Variants in KLHL1 observed in about 807,000 individuals in gnomAD.
KLHL1 encodes kelch-like protein 1.
In KLHL1, 47 loss-of-function variants were observed where a neutral mutation model predicts 77.7. That is an observed-to-expected ratio of 0.60 (90% confidence interval 0.48 to 0.77). The LOEUF (loss-of-function observed/expected upper bound fraction) is 0.77. Among genes scored for constraint, KLHL1 ranks in the 30% least tolerant of loss-of-function variants. The pLI is 0.00. For missense variants in KLHL1, 925 were observed against 910.8 expected (o/e 1.02, Z -0.20); for synonymous variants, 360 against 325.2 (o/e 1.11, Z -1.15).
intron 7 of KLHL1, among the ~76,000 whole-genome samples, chr13:69,792,897 A>G (rs1876930975): frequency 6.6e-6 from 1 of 152,124 alleles, no homozygotes; most frequent in Admixed American, 6.6e-5. Context: ...AAGACTGACA[A>G]TGTATTGGGT....
At chr13:70,083,969 CT>C (rs1452048504) in intron 1 of KLHL1, among the ~76,000 whole-genome samples, 2 of 151,952 alleles carry the variant, frequency 1.3e-5, no homozygotes, top group East Asian at 1.9e-4. Context: ...TTAAAAAACC[CT>C]TTTATATACA....
chr13:70,086,854 T>A (rs1383613300), intron 1 of KLHL1, among the ~76,000 whole-genome samples: 1 of 151,960 alleles, frequency 6.6e-6, no homozygotes, highest in African/African-American at 2.4e-5. Context: ...CTTTCCTGAA[T>A]CCCTTTAACA....
chr13:70,054,317 C>T (rs2439663), intron 1 of KLHL1, among the ~76,000 whole-genome samples: 141,344 of 152,120 alleles, frequency 0.93, 66,406 homozygotes, highest in East Asian at 1. Context: ...TTAAATAAAG[C>T]CATCTCTGTT....
At chr13:70,077,960 T>C (rs1227253314) in intron 1 of KLHL1, among the ~76,000 whole-genome samples, 2 of 152,080 alleles carry the variant, frequency 1.3e-5, no homozygotes, top group Non-Finnish European at 2.9e-5. Flanking sequence ...AAAGGTCAAG[T>C]AAAATTCAGT....
intron 8 of KLHL1, among the ~76,000 whole-genome samples, chr13:69,720,619 G>A (rs935546274): frequency 6.6e-6 from 1 of 151,920 alleles, no homozygotes; most frequent in African/African-American, 2.4e-5. Flanking sequence ...TAGAGATTGT[G>A]GATACAATTT....
At chr13:69,764,560 C>T (rs149917339) in intron 7 of KLHL1, among the ~76,000 whole-genome samples, 1 of 152,034 alleles carries the variant, frequency 6.6e-6, no homozygotes, top group African/African-American at 2.4e-5. Flanking sequence ...AGAAAAAATA[C>T]TTTGCATCGC....
intron 3 of KLHL1, 115 bp from the exon 4 acceptor site, chr13:69,940,351 G>T: frequency 4.4e-6 from 3 of 677,546 alleles, no homozygotes; most frequent in African/African-American, 1.9e-5. Context: ...ACTGAGATTG[G>T]TAATCAAGAT....
chr13:69,850,175 C>T (rs889920609), intron 5 of KLHL1, among the ~76,000 whole-genome samples: 14 of 151,408 alleles, frequency 9.2e-5, no homozygotes, highest in Non-Finnish European at 1.3e-4. Context: ...AATTCAAACT[C>T]ATATATTTAA....
chr13:69,850,651 T>A (rs2138130794), intron 5 of KLHL1, among the ~76,000 whole-genome samples: 1 of 151,880 alleles, frequency 6.6e-6, no homozygotes, highest in Non-Finnish European at 1.5e-5. Flanking sequence ...TTATCTTTGA[T>A]ACCAGCTATC....
At chr13:69,826,494 C>A (rs1448621154) in intron 6 of KLHL1, among the ~76,000 whole-genome samples, 1 of 152,048 alleles carries the variant, frequency 6.6e-6, no homozygotes, top group Non-Finnish European at 1.5e-5. Context: ...GCAGGAGAAT[C>A]GCTTGAACCT....
intron 1 of KLHL1, among the ~76,000 whole-genome samples, chr13:69,996,338 A>G (rs1369164516): frequency 6.6e-6 from 1 of 152,034 alleles, no homozygotes; most frequent in East Asian, 1.9e-4. Flanking sequence ...AAAGCCTTGA[A>G]ATATTAAAGA....
chr13:70,032,281 C>G (rs546463735), intron 1 of KLHL1, among the ~76,000 whole-genome samples: 5 of 152,084 alleles, frequency 3.3e-5, no homozygotes, highest in African/African-American at 1.2e-4. Context: ...ACAAAATCCC[C>G]GAAGTCCAAA....
At chr13:69,765,542 T>C (rs183566533) in intron 7 of KLHL1, among the ~76,000 whole-genome samples, 12 of 152,294 alleles carry the variant, frequency 7.9e-5, no homozygotes, top group South Asian at 6.2e-4. Flanking sequence ...CTTTAATTCC[T>C]ACAATGTCCG....
intron 7 of KLHL1, among the ~76,000 whole-genome samples, chr13:69,782,697 G>T (rs533354086): frequency 2.0e-5 from 3 of 152,328 alleles, no homozygotes; most frequent in Admixed American, 6.5e-5. Flanking sequence ...CACAGCTCAA[G>T]GAGGCCTGCC....
At chr13:69,927,015 A>G (rs1417732467) in intron 4 of KLHL1, among the ~76,000 whole-genome samples, 1 of 150,772 alleles carries the variant, frequency 6.6e-6, no homozygotes, top group African/African-American at 2.4e-5. Flanking sequence ...CACCAATTTG[A>G]TTTACAGTAA....
chr13:69,974,723 C>T (rs572834772), intron 2 of KLHL1, among the ~76,000 whole-genome samples: 15 of 152,018 alleles, frequency 9.9e-5, no homozygotes, highest in South Asian at 4.1e-4. Flanking sequence ...ATAGCTCTTA[C>T]GCTGAAGAAT....
At chr13:70,062,455 G>A (rs1886914099) in intron 1 of KLHL1, among the ~76,000 whole-genome samples, 1 of 152,008 alleles carries the variant, frequency 6.6e-6, no homozygotes, top group Admixed American at 6.6e-5. Context: ...CTCAACACAA[G>A]GTACACAACT....
chr13:69,955,137 G>C (rs1883827719), intron 3 of KLHL1, among the ~76,000 whole-genome samples: 1 of 150,990 alleles, frequency 6.6e-6, no homozygotes, highest in African/African-American at 2.4e-5. Context: ...CATGCCACTT[G>C]AATTAAACCA....
chr13:69,746,061 C>T (rs1343165176), intron 7 of KLHL1, among the ~76,000 whole-genome samples: 1 of 151,412 alleles, frequency 6.6e-6, no homozygotes, highest in Admixed American at 6.6e-5. Context: ...GATCACTTTG[C>T]ATTTGATTTC....
Sources: allele counts gnomAD v4.1 joint callset (sites outside exome capture counted in the v4.1 genomes callset), GRCh38; gene constraint gnomAD v4.1.1; transcripts MANE v1.5; gene names NCBI Gene and HGNC (gene_info 2026-07-23, HGNC 2026-07-21).